CNTNAP2: variants seen among roughly 807,000 people sequenced by gnomAD.
CNTNAP2 encodes contactin-associated protein-like 2.
CNTNAP2 carries 98 observed loss-of-function variants against 155.2 expected under a neutral mutation model. The observed-to-expected ratio is 0.63, with a 90% CI of 0.54 to 0.75. CNTNAP2 has a LOEUF of 0.75. Ranked by LOEUF, CNTNAP2 falls within the 30% of genes least tolerant of loss-of-function variation. The pLI is 0.00. For synonymous variants in CNTNAP2, 651 were observed against 631.2 expected, an observed-to-expected ratio of 1.03 and a Z score of -0.47; for missense variants, 1,727 against 1,688.1, an observed-to-expected ratio of 1.02 and a Z score of -0.40.
chr7:147,926,106 T>C (rs1800393154), intron 14 of CNTNAP2, among the ~76,000 whole-genome samples: 2 of 152,310 alleles, frequency 1.3e-5, no homozygotes, highest in East Asian at 1.9e-4. Context: ...CAGATGTAAA[T>C]GATATTTGAG....
intron 1 of CNTNAP2, among the ~76,000 whole-genome samples, chr7:146,512,884 G>T (rs1452850112): frequency 6.6e-6 from 1 of 151,856 alleles, no homozygotes; most frequent in Non-Finnish European, 1.5e-5. Context: ...CTGGTAGGGG[G>T]TTATTGATGT....
chr7:147,746,428 G>A (rs1797043650), intron 13 of CNTNAP2, among the ~76,000 whole-genome samples: 1 of 152,092 alleles, frequency 6.6e-6, no homozygotes, highest in African/African-American at 2.4e-5. Context: ...GAGCACAGTT[G>A]GGCAAGCCAG....
intron 3 of CNTNAP2, among the ~76,000 whole-genome samples, chr7:146,988,910 C>A (rs1240519296): frequency 6.6e-6 from 1 of 152,170 alleles, no homozygotes; most frequent in Non-Finnish European, 1.5e-5. Flanking sequence ...AATCGGAGCC[C>A]TGTGTTTTTC....
chr7:146,347,703 T>A (rs1794840091), intron 1 of CNTNAP2, among the ~76,000 whole-genome samples: 2 of 152,122 alleles, frequency 1.3e-5, no homozygotes, highest in Non-Finnish European at 2.9e-5. Context: ...ATAGTTGGGA[T>A]TACAGGCACC....
intron 17 of CNTNAP2, among the ~76,000 whole-genome samples, chr7:148,155,294 T>C (rs1179944758): frequency 6.6e-6 from 1 of 152,210 alleles, no homozygotes; most frequent in Non-Finnish European, 1.5e-5. Context: ...CTGGGCAAAG[T>C]TGAACAGGCA....
chr7:146,929,801 T>A (rs1013639986), intron 3 of CNTNAP2, among the ~76,000 whole-genome samples: 1 of 152,040 alleles, frequency 6.6e-6, no homozygotes, highest in Admixed American at 6.6e-5. Context: ...TGCAGAAGCC[T>A]CAGGAGCCAA....
intron 1 of CNTNAP2, among the ~76,000 whole-genome samples, chr7:146,672,006 G>C (rs1455886830): frequency 6.6e-6 from 1 of 151,870 alleles, no homozygotes; most frequent in African/African-American, 2.4e-5. Flanking sequence ...AGTAGAGACG[G>C]GGTTTCACCA....
rs71165043 is a variant in CNTNAP2, at chr7:146,856,297, G to GATACATACATAC, written c.402+16429_402+16440dup. Among the ~76,000 whole-genome samples, 484 of 116,684 alleles carry GATACATACATAC rather than the reference G, an allele frequency of 4.1e-3. 8 individuals carry two copies. Among genetic ancestry groups the GATACATACATAC allele is most frequent in the African/African-American group, 0.011 (349 of 30,478 alleles). The allele number at this position is 116,684 out of a possible 152,430, so 76.5% of individuals were successfully genotyped here. ...AGATAGATAGATAGATAGATAGATA[G>GATACATACATAC]ATACATACATACATACATACATACA... On this transcript the variant is annotated intron_variant, in intron 3 of 23. Transcript: ENST00000361727.
intron 8 of CNTNAP2, among the ~76,000 whole-genome samples, chr7:147,281,082 A>G (rs544103922): frequency 6.6e-6 from 1 of 151,840 alleles, no homozygotes; most frequent in African/African-American, 2.4e-5. Context: ...AATGGGAAGT[A>G]ACTCTGGCTG....
Position 146,907,673 on chromosome 7 carries a change from C to T in CNTNAP2, c.402+67769C>T, listed in dbSNP as rs867507376. 2.8e-4 allele frequency among the ~76,000 whole-genome samples: 42 copies of T among 150,162 alleles called. 1 individual carries two copies. Among genetic ancestry groups the T allele is most frequent in the Middle Eastern group, 6.8e-3 (2 of 292 alleles). ...AAGCGCTAAACATGGAAAGGAACAA[C>T]CGGTACCAGCTGCTGCAAAATCATG... On this transcript the variant is annotated intron_variant, in intron 3 of 23. Transcript: ENST00000361727.
At chr7:146,572,092 A>G (rs1366966872) in intron 1 of CNTNAP2, among the ~76,000 whole-genome samples, 1 of 152,226 alleles carries the variant, frequency 6.6e-6, no homozygotes, top group East Asian at 1.9e-4. Context: ...TTGAATTTAA[A>G]GACACTAAGT....
intron 8 of CNTNAP2, among the ~76,000 whole-genome samples, chr7:147,232,312 G>A (rs1803698453): frequency 6.6e-6 from 1 of 152,174 alleles, no homozygotes; most frequent in Non-Finnish European, 1.5e-5. Context: ...TCACGGAAAT[G>A]CCGTTTCACA....
At chr7:146,963,210 T>C (rs935912732) in intron 3 of CNTNAP2, 4 of 152,240 alleles carry the variant, frequency 2.6e-5, no homozygotes, top group Admixed American at 2.6e-4. Context: ...TCGACAAAAG[T>C]TGACTAGAAG....
chr7:146,389,229 AC>A (rs751691636), intron 1 of CNTNAP2, among the ~76,000 whole-genome samples: 20,222 of 149,960 alleles, frequency 0.13, 1,649 homozygotes, highest in African/African-American at 0.24. Flanking sequence ...ATAGTCACAC[AC>A]ACACACACAC....
At chr7:148,255,771 C>T (rs1009691443) in intron 20 of CNTNAP2, among the ~76,000 whole-genome samples, 1 of 152,182 alleles carries the variant, frequency 6.6e-6, no homozygotes, top group Non-Finnish European at 1.5e-5. Flanking sequence ...AGAGAAACCT[C>T]CTGACATCTC....
intron 3 of CNTNAP2, among the ~76,000 whole-genome samples, chr7:146,904,692 C>G (rs768975057): frequency 6.6e-6 from 1 of 152,026 alleles, no homozygotes; most frequent in African/African-American, 2.4e-5. Flanking sequence ...AGGATGGTCT[C>G]GATCTCCTGA....
At chr7:147,004,320 C>T (rs1427739458) in intron 3 of CNTNAP2, among the ~76,000 whole-genome samples, 1 of 148,272 alleles carries the variant, frequency 6.7e-6, no homozygotes, top group Non-Finnish European at 1.5e-5. Flanking sequence ...GAAACTTAAA[C>T]AACAAATGAA....
chr7:148,332,984 C>T (rs1225266430), intron 21 of CNTNAP2, among the ~76,000 whole-genome samples: 1 of 152,156 alleles, frequency 6.6e-6, no homozygotes, highest in East Asian at 1.9e-4. Flanking sequence ...AACATGATGA[C>T]ATATCCTTTA....
intron 15 of CNTNAP2, among the ~76,000 whole-genome samples, chr7:148,029,006 C>T (rs1215608668): frequency 1.3e-5 from 2 of 152,134 alleles, no homozygotes; most frequent in Non-Finnish European, 2.9e-5. Context: ...ATATTTTGTA[C>T]AAAATTTCCA....
Sources: gnomAD v4.1 joint callset for allele counts (sites outside exome capture counted in the v4.1 genomes callset) on GRCh38, gnomAD v4.1.1 for gene constraint, MANE v1.5 for transcripts, NCBI Gene and HGNC (gene_info 2026-07-23, HGNC 2026-07-21) for gene names.